DNAJC1: variants seen among roughly 807,000 people sequenced by gnomAD.
DNAJC1 encodes DnaJ heat shock protein family (Hsp40) member C1.
A neutral mutation model predicts 76.6 loss-of-function variants in DNAJC1; 58 were observed. That is an observed-to-expected ratio of 0.76 (90% CI 0.61 to 0.94). The LOEUF (loss-of-function observed/expected upper bound fraction) is 0.94, where lower values mean the gene tolerates loss of function less well. Among genes scored for constraint, DNAJC1 ranks in the 40% least tolerant of loss-of-function variants. DNAJC1 has a pLI of 0.00. For missense variants in DNAJC1, 689 were observed against 677.3 expected (o/e 1.02, Z -0.19); for synonymous variants, 258 against 267.9 (o/e 0.96, Z 0.36).
intron 9 of DNAJC1, among the ~76,000 whole-genome samples, chr10:21,788,079 A>T (rs1300280103): frequency 2.0e-5 from 3 of 152,206 alleles, no homozygotes; most frequent in Non-Finnish European, 2.9e-5. Flanking sequence ...TGTGGAACCA[A>T]GCAGTGGTGG....
intron 9 of DNAJC1, among the ~76,000 whole-genome samples, chr10:21,800,842 C>T (rs1253281164): frequency 6.6e-6 from 1 of 152,132 alleles, no homozygotes; most frequent in Non-Finnish European, 1.5e-5. Context: ...TAAGTGTATT[C>T]TTTGATGTTT....
At chr10:21,956,788 T>C (rs910514051) in intron 1 of DNAJC1, among the ~76,000 whole-genome samples, 3 of 147,416 alleles carry the variant, frequency 2.0e-5, no homozygotes. Flanking sequence ...AAAAAACAGA[T>C]GCAGTTAAAA....
intron 1 of DNAJC1, among the ~76,000 whole-genome samples, chr10:21,974,799 G>C (rs990090991): frequency 7.2e-5 from 11 of 152,050 alleles, no homozygotes; most frequent in African/African-American, 2.7e-4. Flanking sequence ...TTAATAGGTA[G>C]ATAACTGCAA....
At chr10:21,765,737 C>T (rs914813878) in intron 10 of DNAJC1, among the ~76,000 whole-genome samples, 2 of 152,076 alleles carry the variant, frequency 1.3e-5, no homozygotes, top group East Asian at 3.9e-4. Flanking sequence ...CCCAGCTACT[C>T]GGGGGCTGAG....
intron 7 of DNAJC1, among the ~76,000 whole-genome samples, chr10:21,903,011 T>A (rs1238528350): frequency 6.6e-6 from 1 of 152,106 alleles, no homozygotes. Flanking sequence ...CACTGCAACC[T>A]CCACCTCCCA....
At chr10:21,949,799 A>AG (rs943211967) in intron 1 of DNAJC1, among the ~76,000 whole-genome samples, 5 of 152,108 alleles carry the variant, frequency 3.3e-5, no homozygotes, top group African/African-American at 1.2e-4. Context: ...GGGAGAGTTA[A>AG]GGAGGACTGA....
intron 9 of DNAJC1, among the ~76,000 whole-genome samples, chr10:21,770,128 C>A (rs1039594302): frequency 6.6e-6 from 1 of 152,172 alleles, no homozygotes; most frequent in Non-Finnish European, 1.5e-5. Flanking sequence ...AGTTGCTTCA[C>A]AGTTCAATTC....
chr10:21,896,980 A>G (rs1236722956), intron 7 of DNAJC1, among the ~76,000 whole-genome samples: 2 of 152,160 alleles, frequency 1.3e-5, no homozygotes, highest in African/African-American at 4.8e-5. Context: ...GAGGATGTGC[A>G]ACAAGGTGCC....
At chr10:21,795,283 T>C (rs545489384) in intron 9 of DNAJC1, among the ~76,000 whole-genome samples, 67 of 152,316 alleles carry the variant, frequency 4.4e-4, no homozygotes, top group African/African-American at 1.6e-3. Context: ...AAATGCAGTA[T>C]TTATGCACAC....
chr10:21,838,047 G>C (rs1358970581), intron 8 of DNAJC1, among the ~76,000 whole-genome samples: 2 of 148,162 alleles, frequency 1.3e-5, no homozygotes, highest in East Asian at 4.3e-4. Context: ...CCGGGAGGTG[G>C]GGGGCGCCTC....
At position 21,781,297 on chromosome 10, in the gene DNAJC1, C is replaced by G. The variant is rs184963309; in HGVS notation, c.1099-14988G>C. Among the ~76,000 whole-genome samples, 343 of 152,316 alleles carry G rather than the reference C, an allele frequency of 2.3e-3. 3 individuals carry two copies. Among genetic ancestry groups the G allele is most frequent in the African/African-American group, 7.9e-3 (327 of 41,568 alleles). ...CCCAAATCATATACATTCTTCTCAGCAACACATCGCACTTATTCCAAAATT... is the reference window on the plus strand; with the variant it reads ...CCCAAATCATATACATTCTTCTCAGGAACACATCGCACTTATTCCAAAATT... On this transcript the variant is annotated intron_variant, in intron 9 of 11. Coordinates refer to ENST00000376980, the MANE Select transcript of DNAJC1 (RefSeq NM_022365.4).
rs75708534 is a variant in DNAJC1, at chr10:21,818,817, A to C, written c.979-12718T>G. On this transcript the variant is annotated intron_variant, in intron 8 of 11. Coordinates refer to ENST00000376980, the MANE Select transcript of DNAJC1 (RefSeq NM_022365.4). ...TTTGAAAATGAGCACTGCTAAATCT[A>C]TGCTAGAAAATCTCTGTGCAGTCAT... Among the ~76,000 whole-genome samples, 589 of 152,346 alleles carry C rather than the reference A, an allele frequency of 3.9e-3. 5 individuals carry two copies. Among genetic ancestry groups the C allele is most frequent in the African/African-American group, 0.013 (556 of 41,574 alleles).
At chr10:21,808,720 C>G (rs955381251) in intron 8 of DNAJC1, among the ~76,000 whole-genome samples, 2 of 152,340 alleles carry the variant, frequency 1.3e-5, no homozygotes, top group East Asian at 3.9e-4. Flanking sequence ...CTCTTCTAAT[C>G]TGGAGCCAAC....
intron 1 of DNAJC1, among the ~76,000 whole-genome samples, chr10:21,952,450 C>A (rs1253029681): frequency 6.6e-6 from 1 of 151,978 alleles, no homozygotes; most frequent in Non-Finnish European, 1.5e-5. Flanking sequence ...GCTTCCTATT[C>A]TTTTTGTTTT....
In DNAJC1 at chr10:21,914,104, T is replaced by C. The variant is rs142648592; in HGVS notation, c.729+4675A>G. Among the ~76,000 whole-genome samples the C allele has an allele frequency of 6.6e-5, 10 of 152,338 alleles. No homozygotes were observed. In the South Asian group the frequency reaches 1.0e-3, roughly 16 times the overall value. ...ACTTGACTTTTACCTTTTCTGCCTA[T>C]GTAGATTACATGGGGCGTACATTTG... is the stretch of plus-strand genomic sequence containing the variant. On this transcript the variant is annotated intron_variant, in intron 6 of 11. Transcript: ENST00000376980.
At chr10:21,918,076 A>C (rs1325856561) in intron 6 of DNAJC1, among the ~76,000 whole-genome samples, 1 of 152,012 alleles carries the variant, frequency 6.6e-6, no homozygotes, top group Admixed American at 6.5e-5. Flanking sequence ...CTGTACACCA[A>C]AAAGTGTTTT....
chr10:21,815,580 T>C (rs951012754), intron 8 of DNAJC1, among the ~76,000 whole-genome samples: 4 of 152,200 alleles, frequency 2.6e-5, no homozygotes, highest in African/African-American at 7.2e-5. Flanking sequence ...TTCACACTTG[T>C]TGGCAATATA....
At chr10:21,823,476 G>A (rs571984991) in intron 8 of DNAJC1, among the ~76,000 whole-genome samples, 2 of 152,128 alleles carry the variant, frequency 1.3e-5, no homozygotes, top group African/African-American at 2.4e-5. Context: ...CATTTAGTCC[G>A]ATTTTTCTAT....
chr10:21,843,391 CCTTT>C (rs1468333737), intron 8 of DNAJC1, among the ~76,000 whole-genome samples: 5 of 149,308 alleles, frequency 3.3e-5, no homozygotes, highest in Non-Finnish European at 7.4e-5. Flanking sequence ...TAGAGGTTTC[CCTTT>C]TTTTTTTTTT....
Sources: allele counts gnomAD v4.1 joint callset (sites outside exome capture counted in the v4.1 genomes callset), GRCh38; gene constraint gnomAD v4.1.1; transcripts MANE v1.5; gene names NCBI Gene and HGNC (gene_info 2026-07-23, HGNC 2026-07-21).